THOC7: variants seen among roughly 807,000 people sequenced by gnomAD.
The protein encoded by THOC7 is THO complex subunit 7, also known as NIF3L1-binding protein 1.
Under a neutral mutation model 33.1 loss-of-function variants are expected in THOC7, and 22 were observed. That is an observed-to-expected ratio of 0.66 (90% confidence interval 0.47 to 0.95). THOC7 has a LOEUF of 0.95. Among genes scored for constraint, THOC7 ranks in the 40% least tolerant of loss-of-function variants. The pLI is 0.00. For missense variants in THOC7, 184 were observed against 245.3 expected (o/e 0.75, Z 1.67); for synonymous variants, 77 against 76.8 (o/e 1.00, Z -0.01).
chr3:63,860,665 T>C (rs1312291544), intron 1 of THOC7: 1 of 152,196 alleles, frequency 6.6e-6, no homozygotes, highest in East Asian at 1.9e-4. Context: ...TACTAGACTT[T>C]ATCCTCCTGC....
At position 63,838,032 on chromosome 3, in the gene THOC7, A is replaced by T. The variant is rs1701670647; in HGVS notation, c.296T>A (p.Ile99Asn). 4 of 1,609,204 alleles carry T rather than the reference A, an allele frequency of 2.5e-6. No homozygotes were observed. Among genetic ancestry groups the T allele is most frequent in the Non-Finnish European group, 3.4e-6 (4 of 1,178,174 alleles). ...ECSIAGAHEKIAECKKQILQA... is the reference protein window; with the variant it reads ...ECSIAGAHEKNAECKKQILQA... ...AAGAATTTGCTTTTTGCACTCAGCAATTTTTTCATGTGCTCCAGCTATGCT... is the reference window on the plus strand; with the variant it reads ...AAGAATTTGCTTTTTGCACTCAGCATTTTTTTCATGTGCTCCAGCTATGCT... Residue 99 changes from isoleucine (I) to asparagine (N), a missense_variant, in exon 4 of 8, where the codon ATT (isoleucine) becomes AAT (asparagine). This residue lies in a region of THOC7 where 157 missense variants were observed against 201.3 expected (regional missense o/e 0.78). Coordinates refer to ENST00000295899, the MANE Select transcript of THOC7 (RefSeq NM_025075.4).
intron 2 of THOC7, among the ~76,000 whole-genome samples, chr3:63,839,207 A>C (rs969272609): frequency 6.6e-6 from 1 of 152,092 alleles, no homozygotes; most frequent in Non-Finnish European, 1.5e-5. Flanking sequence ...AAAAGATTAG[A>C]TATACGTGTG....
chr3:63,842,119 C>T (rs1701773954), intron 1 of THOC7, among the ~76,000 whole-genome samples: 1 of 152,048 alleles, frequency 6.6e-6, no homozygotes, highest in African/African-American at 2.4e-5. Flanking sequence ...AATGTCCCCT[C>T]CAAAACTCAT....
intron 1 of THOC7, among the ~76,000 whole-genome samples, chr3:63,862,606 C>T (rs1005288132): frequency 2.0e-5 from 3 of 152,190 alleles, no homozygotes; most frequent in African/African-American, 7.2e-5. Context: ...AGCCTCCCAC[C>T]TCCACTACTC....
At position 63,849,624 on chromosome 3, in the gene THOC7, C is replaced by T. The variant is rs548277983; in HGVS notation, c.20-9851G>A. On this transcript the variant is annotated intron_variant, in intron 1 of 7. Transcript: ENST00000295899. ...GACGGCTATGTAGTTATTCTTGCTG[C>T]ACTTTTATAAATAATCAGGCAAATT... Among the ~76,000 whole-genome samples the T allele has an allele frequency of 2.0e-5, 3 of 152,232 alleles. No individual in the cohort carries two copies. In the East Asian group the frequency reaches 5.8e-4, roughly 29 times the overall value.
At chr3:63,847,599 T>C (rs1180727906) in intron 1 of THOC7, among the ~76,000 whole-genome samples, 1 of 152,078 alleles carries the variant, frequency 6.6e-6, no homozygotes, top group Non-Finnish European at 1.5e-5. Flanking sequence ...TAGCCGGGTG[T>C]GGGGTTGCGT....
intron 5 of THOC7, 108 bp downstream of exon 5, chr3:63,836,193 C>A: frequency 4.1e-6 from 4 of 977,156 alleles, no homozygotes; most frequent in Non-Finnish European, 6.1e-6. Context: ...AATATCTGAC[C>A]CCTCCTTTTG....
At chr3:63,844,938 G>A in intron 1 of THOC7, 1 of 587,426 alleles carries the variant, frequency 1.7e-6, no homozygotes, top group Non-Finnish European at 3.1e-6. Flanking sequence ...TGAAAATGTG[G>A]AAGCGGCAAG....
At chr3:63,862,975 T>G (rs551960347) in intron 1 of THOC7, among the ~76,000 whole-genome samples, 2 of 152,148 alleles carry the variant, frequency 1.3e-5, no homozygotes, top group African/African-American at 4.8e-5. Flanking sequence ...CCACCCTTCC[T>G]AACACACACA....
chr3:63,851,080 G>C (rs1702011086), intron 1 of THOC7, among the ~76,000 whole-genome samples: 1 of 152,172 alleles, frequency 6.6e-6, no homozygotes, highest in African/African-American at 2.4e-5. Flanking sequence ...TCCTGGCTAA[G>C]GAGAAAGCTC....
chr3:63,834,049 T>C lies in THOC7; in HGVS notation c.*83A>G, dbSNP rs1484452887. On this transcript the variant is annotated 3_prime_UTR_variant, in exon 8 of 8. Transcript: ENST00000295899. Reference sequence around the variant, plus strand: ...TATTTTACTGCCAAAACTTTAAATATCTCAAGAGCATACCACATTTTAAAC... The same window carrying C: ...TATTTTACTGCCAAAACTTTAAATACCTCAAGAGCATACCACATTTTAAAC... 6 of 1,374,144 alleles carry C rather than the reference T, an allele frequency of 4.4e-6. No homozygotes were observed. The highest frequency in any genetic ancestry group is 4.0e-6 in the Non-Finnish European group (4 of 990,976). 85.1% of individuals were successfully genotyped at this position (1,374,144 alleles called of 1,614,324 possible).
chr3:63,853,544 AG>A (rs1411127976), intron 1 of THOC7, among the ~76,000 whole-genome samples: 1 of 152,262 alleles, frequency 6.6e-6, no homozygotes, highest in Non-Finnish European at 1.5e-5. Context: ...GGGAAATAAA[AG>A]TATACAAAGG....
At chr3:63,856,309 G>C (rs76691209) in intron 1 of THOC7, among the ~76,000 whole-genome samples, 200 of 152,130 alleles carry the variant, frequency 1.3e-3, no homozygotes, top group African/African-American at 4.7e-3. Flanking sequence ...CAAAAACATA[G>C]AGTGAATAGG....
chr3:63,848,756 G>C (rs1701958604), intron 1 of THOC7: 1 of 152,024 alleles, frequency 6.6e-6, no homozygotes, highest in East Asian at 1.9e-4. Flanking sequence ...TAAAAACTAT[G>C]GGTTTTCATG....
At chr3:63,839,824 T>C (rs1289183497) in intron 1 of THOC7, 51 bp from the exon 2 acceptor site, 2 of 1,447,582 alleles carry the variant, frequency 1.4e-6, no homozygotes, top group Non-Finnish European at 1.9e-6. Flanking sequence ...AACTTTCAAG[T>C]ACAAATAACC....
chr3:63,839,507 G>T, intron 2 of THOC7, 149 bp downstream of exon 2: 1 of 723,096 alleles, frequency 1.4e-6, no homozygotes, highest in East Asian at 2.5e-5. Context: ...GAGAAGAAAA[G>T]GCCAAGAAAA....
rs2678352 is a variant in THOC7, at chr3:63,839,964, T to C, written c.20-191A>G. On this transcript the variant is annotated intron_variant, in intron 1 of 7. Transcript: ENST00000295899. ...TTTATGTTATGCATAGTTTATGTTA[T>C]TGTATATAATAAAAAATATTTATAT... Among the ~76,000 whole-genome samples the C allele has an allele frequency of 0.18, 27,133 of 152,192 alleles. 2,447 individuals carry two copies. Among genetic ancestry groups the C allele is most frequent in the African/African-American group, 0.19 (7,749 of 41,520 alleles).
At chr3:63,836,459 G>C in intron 4 of THOC7, 101 bp from the exon 5 acceptor site, 1 of 1,064,418 alleles carries the variant, frequency 9.4e-7, no homozygotes, top group Non-Finnish European at 1.4e-6. Flanking sequence ...CACTTTCCTA[G>C]TACATCAAGA....
At chr3:63,859,303 T>G (rs773857457) in intron 1 of THOC7, among the ~76,000 whole-genome samples, 1 of 152,242 alleles carries the variant, frequency 6.6e-6, no homozygotes, top group Admixed American at 6.5e-5. Context: ...CATTTCTAAA[T>G]GCCCACAAAG....
Sources: allele counts gnomAD v4.1 joint callset (sites outside exome capture counted in the v4.1 genomes callset), GRCh38; gene constraint gnomAD v4.1.1; regional missense constraint gnomAD v4.1.1; transcripts MANE v1.5; gene names NCBI Gene and HGNC (gene_info 2026-07-23, HGNC 2026-07-21).